The following LIMCH1 variants were observed in gnomAD, a reference collection of about 807,000 sequenced individuals.
The protein encoded by LIMCH1 is LIM and calponin homology domains-containing protein 1.
In LIMCH1, 113 loss-of-function variants were observed where a neutral mutation model predicts 176.5. The ratio of observed to expected loss-of-function variants is 0.64; its 90% confidence interval spans 0.55 to 0.75. The LOEUF (loss-of-function observed/expected upper bound fraction) is 0.75. LIMCH1 is among the 30% of genes least tolerant of loss of function. The pLI is 0.00. For synonymous variants in LIMCH1, 619 were observed against 645.9 expected, an observed-to-expected ratio of 0.96 and a Z score of 0.63; for missense variants, 1,674 against 1,814.9, an observed-to-expected ratio of 0.92 and a Z score of 1.41.
At chr4:41,411,600 G>A (rs1038152550) in intron 1 of LIMCH1, among the ~76,000 whole-genome samples, 4 of 151,806 alleles carry the variant, frequency 2.6e-5, no homozygotes, top group Non-Finnish European at 4.4e-5. Flanking sequence ...ATTCATTGCC[G>A]GATTGATCGC....
chr4:41,591,912 G>A (rs527814158), intron 1 of LIMCH1, among the ~76,000 whole-genome samples: 1 of 152,304 alleles, frequency 6.6e-6, no homozygotes, highest in South Asian at 2.1e-4. Flanking sequence ...GTCTGCCCCA[G>A]AGCCAGAAAG....
chr4:41,406,623 A>T (rs1170570969), intron 1 of LIMCH1, among the ~76,000 whole-genome samples: 1 of 152,156 alleles, frequency 6.6e-6, no homozygotes, highest in African/African-American at 2.4e-5. Flanking sequence ...AATGTCAAGG[A>T]TTTTGTTTTG....
At chr4:41,659,168 A>G (rs2094543203) in intron 18 of LIMCH1, among the ~76,000 whole-genome samples, 1 of 152,198 alleles carries the variant, frequency 6.6e-6, no homozygotes, top group Non-Finnish European at 1.5e-5. Context: ...AAATATAACA[A>G]AACAGACCAG....
chr4:41,524,982 G>A (rs576341750), intron 3 of LIMCH1, among the ~76,000 whole-genome samples: 97 of 152,316 alleles, frequency 6.4e-4, no homozygotes, highest in African/African-American at 2.2e-3. Flanking sequence ...GTGGTCTAAC[G>A]TCATCTGGAG....
chr4:41,361,123 G>T (rs1348291962), intron 1 of LIMCH1, among the ~76,000 whole-genome samples: 1 of 152,146 alleles, frequency 6.6e-6, no homozygotes, highest in Non-Finnish European at 1.5e-5. Flanking sequence ...TTGGAATCCC[G>T]GGCGAGGGTG....
intron 1 of LIMCH1, among the ~76,000 whole-genome samples, chr4:41,467,497 A>T: frequency 6.6e-6 from 1 of 152,212 alleles, no homozygotes; most frequent in East Asian, 1.9e-4. Flanking sequence ...GCAAGAGGGC[A>T]TGTGCAGGGG....
intron 2 of LIMCH1, among the ~76,000 whole-genome samples, chr4:41,501,019 G>A (rs940120852): frequency 1.3e-5 from 2 of 152,154 alleles, no homozygotes; most frequent in East Asian, 1.9e-4. Context: ...GGAAACTGAG[G>A]ATCATCAAAA....
chr4:41,663,738 C>A (rs2094713350), intron 20 of LIMCH1, among the ~76,000 whole-genome samples: 1 of 150,158 alleles, frequency 6.7e-6, no homozygotes, highest in Admixed American at 6.7e-5. Flanking sequence ...AACAAGCTAG[C>A]TGGGTGTGGT....
intron 1 of LIMCH1, among the ~76,000 whole-genome samples, chr4:41,409,667 C>T (rs1049638195): frequency 6.6e-6 from 1 of 152,086 alleles, no homozygotes; most frequent in East Asian, 1.9e-4. Flanking sequence ...TGACTTAGAG[C>T]GGTTCCTATA....
At chr4:41,614,042 A>G (rs1403280322) in intron 5 of LIMCH1, among the ~76,000 whole-genome samples, 3 of 152,242 alleles carry the variant, frequency 2.0e-5, no homozygotes. Context: ...ACCACACTAT[A>G]TAAGAGAAAA....
intron 1 of LIMCH1, among the ~76,000 whole-genome samples, chr4:41,392,258 T>G (rs2057334883): frequency 6.6e-6 from 1 of 152,164 alleles, no homozygotes; most frequent in African/African-American, 2.4e-5. Context: ...AAATGTATTA[T>G]CTGTAAAATA....
rs1554057116 is a variant in LIMCH1 at position 41,460,458 on chromosome 4, C to CTATATATATATATATATCTATA, written c.97-34061_97-34060insCTATATATATATATATATATAT. ...AAATTTGTTCCACTATAGTAATCAT[C>CTATATATATATATATATCTATA]TATATATATATATATATATATCTTA... is the stretch of plus-strand genomic sequence containing the variant. On this transcript the variant is annotated intron_variant, in intron 1 of 26. Coordinates refer to the LIMCH1 transcript ENST00000313860. Among the ~76,000 whole-genome samples the CTATATATATATATATATCTATA allele has an allele frequency of 1.3e-4, 14 of 110,552 alleles. 1 individual carries two copies. The East Asian group carries it at 3.2e-3, about 25-fold the overall frequency. The allele number at this position is 110,552 out of a possible 152,430, so 72.5% of individuals were successfully genotyped here.
chr4:41,687,080 C>A (rs911641238), intron 28 of LIMCH1, among the ~76,000 whole-genome samples: 4 of 152,148 alleles, frequency 2.6e-5, no homozygotes, highest in Non-Finnish European at 5.9e-5. Context: ...ATGCTGAAAG[C>A]GGAAGACACA....
Position 41,646,965 on chromosome 4 carries a change from C to G in LIMCH1, c.2820+72C>G, listed in dbSNP as rs912753168. On this transcript the variant is annotated intron_variant, in intron 17 of 31. Transcript: ENST00000503057. ...GTGGATGGAAAGAAGCATCATGACT[C>G]AAGAAAATGTCATTCTTTTTACCAT... 25 of 1,336,402 alleles carry G rather than the reference C, an allele frequency of 1.9e-5. No homozygotes were observed. The African/African-American group carries it at 3.2e-4, about 17-fold the overall frequency. The allele number at this position is 1,336,402 out of a possible 1,614,324, so 82.8% of individuals were successfully genotyped here.
intron 1 of LIMCH1, among the ~76,000 whole-genome samples, chr4:41,365,202 C>G (rs1377324874): frequency 6.6e-6 from 1 of 152,204 alleles, no homozygotes; most frequent in African/African-American, 2.4e-5. Context: ...TCAGAGTGTG[C>G]CCATGGGGCT....
chr4:41,596,048 C>CAAAAAAAAAAAAAAAAAAAAAAA (rs1452167402), intron 1 of LIMCH1, among the ~76,000 whole-genome samples: 7 of 100,666 alleles, frequency 7.0e-5, no homozygotes, highest in African/African-American at 4.8e-4. Flanking sequence ...GACTCCATCT[C>CAAAAAAAAAAAAAAAAAAAAAAA]AAAAAAAAAA....
Position 41,540,212 on chromosome 4 carries a change from G to A in LIMCH1, c.-241+1862G>A, listed in dbSNP as rs548182631. Among the ~76,000 whole-genome samples, 11 of 152,194 alleles carry A rather than the reference G, an allele frequency of 7.2e-5. No homozygotes were observed. In the East Asian group the frequency reaches 2.1e-3, roughly 29 times the overall value. On this transcript the variant is annotated intron_variant, in intron 1 of 31. Transcript: ENST00000503057. The stretch of plus-strand genomic sequence containing the variant: ...ATGAAGAGTAAATTAATTAATATAG[G>A]TAAAGAGTCTAGATTTTTTTTTCTT...
intron 1 of LIMCH1, among the ~76,000 whole-genome samples, chr4:41,463,428 A>G (rs2065661441): frequency 6.6e-6 from 1 of 152,184 alleles, no homozygotes; most frequent in Admixed American, 6.5e-5. Context: ...TCTAGAATCC[A>G]GGACCTGGAT....
chr4:41,595,717 A>G (rs2088626988), intron 1 of LIMCH1, among the ~76,000 whole-genome samples: 1 of 152,124 alleles, frequency 6.6e-6, no homozygotes, highest in African/African-American at 2.4e-5. Context: ...CCAATCTTTA[A>G]CCTATTTTCT....
Sources: gnomAD v4.1 joint callset for allele counts (sites outside exome capture counted in the v4.1 genomes callset) on GRCh38, gnomAD v4.1.1 for gene constraint, MANE v1.5 for transcripts, NCBI Gene and HGNC (gene_info 2026-07-23, HGNC 2026-07-21) for gene names.